The following CILK1 variants were observed in gnomAD, a reference collection of about 807,000 sequenced individuals.
CILK1 encodes serine/threonine-protein kinase ICK.
Under a neutral mutation model 79.2 loss-of-function variants are expected in CILK1, and 47 were observed. The observed-to-expected ratio is 0.59, with a 90% CI of 0.47 to 0.76. The LOEUF is 0.76. Among genes scored for constraint, CILK1 ranks in the 30% least tolerant of loss-of-function variants. CILK1 has a pLI of 0.00. For synonymous variants in CILK1, 266 were observed against 275.9 expected (o/e 0.96, Z 0.36); for missense variants, 660 against 769.5 (o/e 0.86, Z 1.68).
intron 12 of CILK1, among the ~76,000 whole-genome samples, chr6:53,008,002 T>C (rs994250434): frequency 6.6e-6 from 1 of 151,310 alleles, no homozygotes; most frequent in Non-Finnish European, 1.5e-5. Context: ...AAATGTTGAC[T>C]CCTAGTTCTC....
chr6:53,025,100 T>C (rs1204848364), intron 5 of CILK1, among the ~76,000 whole-genome samples: 1 of 152,190 alleles, frequency 6.6e-6, no homozygotes, highest in Non-Finnish European at 1.5e-5. Flanking sequence ...CCCAAAGTGC[T>C]AGGATTACAG....
At position 53,003,729 on chromosome 6, in the gene CILK1, A is replaced by T. The variant is rs1764057718; in HGVS notation, c.*1420T>A. ...AGAGTGAGACTCTGTCTCAAAAAAA[A>T]AATAAAAAATAAAAGATTACTTACA... On this transcript the variant is annotated 3_prime_UTR_variant, in exon 14 of 14. Coordinates refer to ENST00000676107, the MANE Select transcript of CILK1 (RefSeq NM_014920.5). 1 of 152,372 alleles carries T rather than the reference A, an allele frequency of 6.6e-6. No homozygotes were observed. Among genetic ancestry groups the T allele is most frequent in the African/African-American group, 2.4e-5 (1 of 41,424 alleles). The allele number at this position is 152,372 out of a possible 1,614,324, so 9.4% of individuals were successfully genotyped here. A position where few individuals can be genotyped will look rare whatever the true frequency, so the allele number is the denominator to read the frequency against.
At chr6:53,048,151 C>T (rs1021372224) in intron 1 of CILK1, among the ~76,000 whole-genome samples, 5 of 151,962 alleles carry the variant, frequency 3.3e-5, no homozygotes, top group Non-Finnish European at 5.9e-5. Flanking sequence ...ATGCAATAGT[C>T]CCATCACATC....
intron 5 of CILK1, 108 bp downstream of exon 5, chr6:53,030,957 C>A (rs1413765922): frequency 1.3e-6 from 1 of 775,998 alleles, no homozygotes; most frequent in Admixed American, 1.9e-5. Context: ...CTCAACTCTT[C>A]AACCTTTTCT....
At chr6:53,059,383 C>T (rs893835832) in intron 1 of CILK1, among the ~76,000 whole-genome samples, 1 of 152,158 alleles carries the variant, frequency 6.6e-6, no homozygotes, top group Non-Finnish European at 1.5e-5. Context: ...GGCTCCGGCC[C>T]TAAAGAGGCT....
intron 1 of CILK1, among the ~76,000 whole-genome samples, chr6:53,049,415 T>A (rs1200825337): frequency 6.6e-6 from 1 of 152,262 alleles, no homozygotes; most frequent in Non-Finnish European, 1.5e-5. Context: ...TTCCATTATC[T>A]GCTTCCATTT....
chr6:53,052,405 C>G (rs1767544259), intron 1 of CILK1, among the ~76,000 whole-genome samples: 1 of 152,076 alleles, frequency 6.6e-6, no homozygotes, highest in African/African-American at 2.4e-5. Flanking sequence ...AGATGGCACA[C>G]TGGCACTCTG....
At chr6:53,052,480 C>T (rs1049346477) in intron 1 of CILK1, among the ~76,000 whole-genome samples, 2 of 152,084 alleles carry the variant, frequency 1.3e-5, no homozygotes, top group Non-Finnish European at 2.9e-5. Context: ...CACCTGTAAT[C>T]CCAACACTTT....
In CILK1 at chr6:53,005,301, A is replaced by G. The variant is rs1764156344; in HGVS notation, c.1747T>C (p.Tyr583His). The G allele has an allele frequency of 1.2e-5, 19 of 1,614,234 alleles. No individual in the cohort carries two copies. In the East Asian group the frequency reaches 4.2e-4, roughly 36 times the overall value. Residue 583 changes from tyrosine (Y) to histidine (H), a missense_variant and splice_region_variant, in exon 14 of 14, where the codon TAT becomes CAT. Tyr to His is a moderately conservative substitution (Grantham distance 83). Coordinates refer to ENST00000676107, the MANE Select transcript of CILK1 (RefSeq NM_014920.5). Reference protein sequence around the residue: ...LAPIPDPSPGYSSLKAMRPHP... With the variant: ...LAPIPDPSPGHSSLKAMRPHP... ...GGTCTCATGGCCTTCAGGGAGGAATAACCTGCAATGAAAGAAAAAGGCCGG... is the reference window on the plus strand; with the variant it reads ...GGTCTCATGGCCTTCAGGGAGGAATGACCTGCAATGAAAGAAAAAGGCCGG...
intron 3 of CILK1, among the ~76,000 whole-genome samples, chr6:53,034,317 T>C (rs1042793145): frequency 6.6e-6 from 1 of 152,228 alleles, no homozygotes; most frequent in Non-Finnish European, 1.5e-5. Context: ...AGCTTTTGTT[T>C]CTAGGTGAGT....
At chr6:53,005,398 A>G (rs1266785199) in intron 13 of CILK1, 95 bp from the exon 14 acceptor site, 7 of 1,326,460 alleles carry the variant, frequency 5.3e-6, no homozygotes, top group East Asian at 2.4e-5. Context: ...ATGAGAAAAT[A>G]AGGAGTTCAA....
At position 53,009,529 on chromosome 6, in the gene CILK1, T is replaced by C. The variant is rs775630827; in HGVS notation, c.1531A>G (p.Lys511Glu). 3.2e-5 allele frequency: 51 copies of C among 1,612,230 alleles called. No homozygotes were observed. Among genetic ancestry groups the C allele is most frequent in the Non-Finnish European group, 4.1e-5 (48 of 1,178,334 alleles). Residue 511 changes from lysine to glutamate, a missense_variant, in exon 12 of 14, where the codon AAG becomes GAG. Lys to Glu is a moderately conservative substitution (Grantham distance 56, BLOSUM62 1). Coordinates refer to ENST00000676107, the MANE Select transcript of CILK1 (RefSeq NM_014920.5). ...IRNGILSNPG[K>E]EFIPPNPWSS... ...CATGGATTAGGTGGAATAAATTCCTTGCCTGGATTCGAGAGTATGCCATTT... is the reference window on the plus strand; with the variant it reads ...CATGGATTAGGTGGAATAAATTCCTCGCCTGGATTCGAGAGTATGCCATTT...
chr6:53,001,830 T>C lies in CILK1; in HGVS notation c.*3319A>G, dbSNP rs1462265694. ...CTTCTTATAAACATATTGCTTTTGG[T>C]CATACACTGAACTGAAATGTACAGC... On this transcript the variant is annotated 3_prime_UTR_variant, in exon 14 of 14. Coordinates refer to ENST00000676107, the MANE Select transcript of CILK1 (RefSeq NM_014920.5). 2 of 152,684 alleles carry C rather than the reference T, an allele frequency of 1.3e-5. No homozygotes were observed. Among genetic ancestry groups the C allele is most frequent in the Non-Finnish European group, 2.9e-5 (2 of 68,046 alleles). The allele number at this position is 152,684 out of a possible 1,614,324, so 9.5% of individuals were successfully genotyped here. A position where few individuals can be genotyped will look rare whatever the true frequency, so the allele number is the denominator to read the frequency against.
chr6:53,013,129 A>G (rs1764675907), intron 9 of CILK1, among the ~76,000 whole-genome samples: 1 of 152,224 alleles, frequency 6.6e-6, no homozygotes, highest in Non-Finnish European at 1.5e-5. Context: ...CTGGTAGGTA[A>G]GACATGCACT....
chr6:53,005,248 G>A lies in CILK1; in HGVS notation c.1800C>T (p.Thr600=). ...TCAACCCAGGAGTGCTTCTAGGCTGGGTGTGGAAGAATGGTCGCCCAGGAT... is the reference window on the plus strand; with the variant it reads ...TCAACCCAGGAGTGCTTCTAGGCTGAGTGTGGAAGAATGGTCGCCCAGGAT... The part of the protein sequence containing the change: ...RPHPGRPFFH[T]QPRSTPGLIP... Residue 600 remains threonine (T), a synonymous_variant, in exon 14 of 14, where the codon ACC becomes ACT. Coordinates refer to ENST00000676107, the MANE Select transcript of CILK1 (RefSeq NM_014920.5). The A allele has an allele frequency of 6.2e-7, 1 of 1,614,228 alleles. No individual in the cohort carries two copies. Among genetic ancestry groups the A allele is most frequent in the African/African-American group, 1.3e-5 (1 of 75,070 alleles).
chr6:53,032,437 GA>G (rs1286818719), intron 4 of CILK1, 95 bp downstream of exon 4: 10 of 670,904 alleles, frequency 1.5e-5, no homozygotes, highest in African/African-American at 7.7e-5. Flanking sequence ...AATAAAAAAA[GA>G]AAAAAAGGAG....
At chr6:53,035,866 C>T (rs1419881339) in intron 3 of CILK1, among the ~76,000 whole-genome samples, 2 of 152,096 alleles carry the variant, frequency 1.3e-5, no homozygotes, top group Non-Finnish European at 2.9e-5. Flanking sequence ...AGGTGCGCCT[C>T]CTTTCTACCT....
chr6:53,035,488 T>C (rs1766269804), intron 3 of CILK1, among the ~76,000 whole-genome samples: 1 of 152,154 alleles, frequency 6.6e-6, no homozygotes, highest in Admixed American at 6.5e-5. Context: ...CATAGTGCCA[T>C]GTAAGACTAT....
rs747709596 is a variant in CILK1 at position 53,016,097 on chromosome 6, G to C, written c.817C>G (p.Pro273Ala). 6.2e-7 allele frequency: 1 copy of C among 1,614,060 alleles called. No individual in the cohort carries two copies. The highest frequency in any genetic ancestry group is 8.5e-7 in the Non-Finnish European group (1 of 1,179,910). ...DMLQWDPKKR[P>A]TASQALRYPY... Reference sequence around the variant, plus strand: ...TGGAAGAAAACCTGACTAGCTGTTGGTCGTTTCTTGGGATCCCACTGAAGC... The same window carrying C: ...TGGAAGAAAACCTGACTAGCTGTTGCTCGTTTCTTGGGATCCCACTGAAGC... The change falls in exon 8 of 14, where the codon CCA (proline) becomes GCA (alanine). Residue 273 changes from proline (P) to alanine (A), a missense_variant. Physicochemically the swap from Pro to Ala is conservative, Grantham distance 27. Transcript: ENST00000676107.
Sources: allele counts gnomAD v4.1 joint callset (sites outside exome capture counted in the v4.1 genomes callset), GRCh38; gene constraint gnomAD v4.1.1; transcripts MANE v1.5; gene names NCBI Gene and HGNC (gene_info 2026-07-23, HGNC 2026-07-21).